The following RHOA variants were observed in gnomAD, a reference collection of about 807,000 sequenced individuals.
The protein encoded by RHOA is ras homolog family member A.
RHOA carries 3 observed loss-of-function variants against 17.5 expected under a neutral mutation model. The observed-to-expected ratio is 0.17, with a 90% CI of 0.08 to 0.44. The LOEUF is 0.44. Ranked by LOEUF, RHOA falls within the 20% of genes least tolerant of loss-of-function variation. RHOA has a pLI of 0.99. For synonymous variants in RHOA, 98 were observed against 88.4 expected (o/e 1.11, Z -0.61); for missense variants, 56 against 242.3 (o/e 0.23, Z 5.10).
At chr3:49,390,172 TCACC>T (rs1286002806) in intron 1 of RHOA, among the ~76,000 whole-genome samples, 1 of 151,558 alleles carries the variant, frequency 6.6e-6, no homozygotes. Context: ...TCTCACTCTG[TCACC>T]CAGGCTGGAA....
At chr3:49,393,812 C>T (rs189258798) in intron 1 of RHOA, among the ~76,000 whole-genome samples, 57 of 151,568 alleles carry the variant, frequency 3.8e-4, no homozygotes, top group Non-Finnish European at 2.5e-4. Flanking sequence ...CGGGTTCAAG[C>T]AGTTCTCCTG....
chr3:49,400,020 G>A (rs1018944876), intron 1 of RHOA, among the ~76,000 whole-genome samples: 2 of 151,692 alleles, frequency 1.3e-5, no homozygotes, highest in African/African-American at 4.8e-5. Flanking sequence ...AGACCAGCCT[G>A]ACCAACAAGG....
chr3:49,381,230 C>A (rs2048311538), intron 1 of RHOA, among the ~76,000 whole-genome samples: 1 of 151,606 alleles, frequency 6.6e-6, no homozygotes, highest in Non-Finnish European at 1.5e-5. Context: ...CATTGTGAAA[C>A]CCCGTCTCTA....
At chr3:49,411,045 A>G (rs1010023047) in intron 1 of RHOA, among the ~76,000 whole-genome samples, 2 of 152,262 alleles carry the variant, frequency 1.3e-5, no homozygotes, top group Non-Finnish European at 2.9e-5. Context: ...ACTAAGGTAC[A>G]GATATTTAGA....
At chr3:49,386,958 CA>C (rs757082223) in intron 1 of RHOA, among the ~76,000 whole-genome samples, 7 of 147,870 alleles carry the variant, frequency 4.7e-5, no homozygotes, top group Admixed American at 2.0e-4. Flanking sequence ...ACTAAAAATA[CA>C]AAAAAAAATT....
chr3:49,392,949 G>A (rs1440003260), intron 1 of RHOA, among the ~76,000 whole-genome samples: 1 of 152,046 alleles, frequency 6.6e-6, no homozygotes, highest in Admixed American at 6.6e-5. Context: ...GGTCAAGGGG[G>A]GTAGATCAGC....
intron 1 of RHOA, among the ~76,000 whole-genome samples, chr3:49,402,256 T>C (rs2048737973): frequency 1.3e-5 from 2 of 152,172 alleles, no homozygotes; most frequent in Admixed American, 1.3e-4. Context: ...ACATTGCCTC[T>C]AAGACAATGC....
At chr3:49,369,277 C>G (rs1441761102) in intron 2 of RHOA, among the ~76,000 whole-genome samples, 2 of 131,482 alleles carry the variant, frequency 1.5e-5, no homozygotes, top group African/African-American at 5.2e-5. Flanking sequence ...CCTGCCTCGG[C>G]CTCCCAAAGT....
intron 1 of RHOA, among the ~76,000 whole-genome samples, chr3:49,390,216 C>G (rs562017082): frequency 2.0e-5 from 3 of 151,960 alleles, no homozygotes; most frequent in Admixed American, 2.0e-4. Flanking sequence ...CTCACTGCAG[C>G]CTCCACCTCC....
chr3:49,393,845 G>T (rs984014249), intron 1 of RHOA, among the ~76,000 whole-genome samples: 5 of 151,266 alleles, frequency 3.3e-5, no homozygotes, highest in African/African-American at 4.9e-5. Flanking sequence ...GAGTAGCTGG[G>T]ATTACAGGCA....
chr3:49,393,949 C>G (rs939088608), intron 1 of RHOA, among the ~76,000 whole-genome samples: 13 of 151,350 alleles, frequency 8.6e-5, no homozygotes, highest in African/African-American at 2.4e-4. Flanking sequence ...CGGCTCACTG[C>G]AAGCTCCACC....
Position 49,403,979 on chromosome 3 carries a change from G to T in RHOA, c.-3+7841C>A, listed in dbSNP as rs892387330. ...ACCCTCCCACCACCCCCGAAAAAAG[G>T]TACTACAAACTGTAACCTGAATAGT... is the stretch of plus-strand genomic sequence containing the variant. On this transcript the variant is annotated intron_variant, in intron 1 of 4. Transcript: ENST00000418115. Among the ~76,000 whole-genome samples, 8 of 150,790 alleles carry T rather than the reference G, an allele frequency of 5.3e-5. No homozygotes were observed. The East Asian group carries it at 1.5e-3, about 29-fold the overall frequency.
intron 1 of RHOA, among the ~76,000 whole-genome samples, chr3:49,397,510 GTTTT>G: frequency 6.6e-6 from 1 of 152,048 alleles, no homozygotes; most frequent in Middle Eastern, 3.4e-3. Flanking sequence ...GTTGGTTTTT[GTTTT>G]TTTAAAAAAA....
At chr3:49,387,431 G>T (rs867805731) in intron 1 of RHOA, among the ~76,000 whole-genome samples, 1 of 127,406 alleles carries the variant, frequency 7.8e-6, no homozygotes, top group Non-Finnish European at 1.6e-5. Context: ...GTGACAGAGC[G>T]AGACTCCATC....
At chr3:49,367,402 G>A (rs914326760) in intron 3 of RHOA, among the ~76,000 whole-genome samples, 24 of 147,360 alleles carry the variant, frequency 1.6e-4, no homozygotes, top group Non-Finnish European at 7.4e-5. Flanking sequence ...TTATGTGGCT[G>A]TGTTTAGGCT....
At chr3:49,401,519 C>G (rs977800633) in intron 1 of RHOA, among the ~76,000 whole-genome samples, 1 of 147,032 alleles carries the variant, frequency 6.8e-6, no homozygotes, top group Non-Finnish European at 1.5e-5. Context: ...GATCGGGCCA[C>G]TGCACTCCAG....
At chr3:49,388,742 G>A (rs2048444346) in intron 1 of RHOA, among the ~76,000 whole-genome samples, 1 of 152,156 alleles carries the variant, frequency 6.6e-6, no homozygotes, top group Non-Finnish European at 1.5e-5. Flanking sequence ...CTCACATTTT[G>A]AAATGTGGAG....
chr3:49,397,495 A>G (rs1191636034), intron 1 of RHOA, among the ~76,000 whole-genome samples: 2 of 152,156 alleles, frequency 1.3e-5, no homozygotes, highest in Non-Finnish European at 2.9e-5. Flanking sequence ...ATTGTTACCA[A>G]AAGAGTTGGT....
At chr3:49,373,191 A>G in intron 2 of RHOA, 1 of 174,282 alleles carries the variant, frequency 5.7e-6, no homozygotes, top group Non-Finnish European at 1.3e-5. Flanking sequence ...TAAAAATACA[A>G]AGATTAGCTG....
Sources: gnomAD v4.1 joint callset for allele counts (sites outside exome capture counted in the v4.1 genomes callset) on GRCh38, gnomAD v4.1.1 for gene constraint, MANE v1.5 for transcripts, NCBI Gene and HGNC (gene_info 2026-07-23, HGNC 2026-07-21) for gene names.